Variants in ZNF563 observed in about 807,000 individuals in gnomAD.
The protein encoded by ZNF563 is zinc finger protein 563.
In ZNF563, 39 loss-of-function variants were observed where a neutral mutation model predicts 48.5. The observed-to-expected ratio is 0.80, with a 90% CI of 0.62 to 1.05. The LOEUF (loss-of-function observed/expected upper bound fraction) is 1.05. Ranked by LOEUF, ZNF563 falls within the 50% of genes least tolerant of loss-of-function variation. The probability of loss-of-function intolerance (pLI) is 0.00; values close to 1 mark genes in which losing one functional copy is unlikely to be tolerated. For missense variants in ZNF563, 538 were observed against 597.0 expected (o/e 0.90, Z 1.03); for synonymous variants, 168 against 187.9 (o/e 0.89, Z 0.87).
chr19:12,331,478 A>G (rs1014425175), intron 1 of ZNF563, among the ~76,000 whole-genome samples: 2 of 152,352 alleles, frequency 1.3e-5, no homozygotes, highest in African/African-American at 4.8e-5. Flanking sequence ...GTCTAACAGA[A>G]TTCAAAGGAT....
chr19:12,333,823 G>A (rs1436720768), upstream of ZNF563: 3 of 349,958 alleles, frequency 8.6e-6, no homozygotes, highest in Non-Finnish European at 1.6e-5. Context: ...TGAGTCGAGC[G>A]GGATGAACGA....
chr19:12,328,262 G>A lies in ZNF563; in HGVS notation c.3+5218C>T, dbSNP rs10401770. ...ACCACTTTGGGAGGCCAAAGTGGAA[G>A]GATTGCTTGAGGCCAGACTGAGCAA... is the stretch of plus-strand genomic sequence containing the variant. On this transcript the variant is annotated intron_variant, in intron 1 of 3. Coordinates refer to ENST00000293725, the MANE Select transcript of ZNF563 (RefSeq NM_145276.3). Among the ~76,000 whole-genome samples, 1,463 of 152,254 alleles carry A rather than the reference G, an allele frequency of 9.6e-3. 25 individuals are homozygous for A. The highest frequency in any genetic ancestry group is 0.034 in the African/African-American group (1,406 of 41,546).
intron 1 of ZNF563, among the ~76,000 whole-genome samples, chr19:12,332,040 G>T (rs1968930819): frequency 6.6e-6 from 1 of 152,020 alleles, no homozygotes; most frequent in Admixed American, 6.6e-5. Context: ...ATCATATATT[G>T]CTACCTGGGG....
chr19:12,318,841 C>A lies in ZNF563; in HGVS notation c.1184G>T (p.Cys395Phe). The part of the protein sequence containing the change: ...IMHTGGGPHK[C>F]KICGKAFVYP... ...AACAAAAGCTTTCCCACATATCTTG[C>A]ATTTATGAGGTCCACCTCCAGTGTG... Residue 395 changes from cysteine (C) to phenylalanine (F), a missense_variant, in exon 4 of 4, where the codon TGC (cysteine) becomes TTC (phenylalanine). Transcript: ENST00000293725. 6.2e-7 allele frequency: 1 copy of A among 1,614,150 alleles called. No individual in the cohort carries two copies. The highest frequency in any genetic ancestry group is 1.1e-5 in the South Asian group (1 of 91,068).
the ZNF563 span, among the ~76,000 whole-genome samples, chr19:12,343,970 C>T: frequency 1.3e-5 from 2 of 152,010 alleles, no homozygotes; most frequent in South Asian, 4.1e-4. Context: ...ACCTCGTGAT[C>T]CGCCCGCCTC....
At chr19:12,333,831 C>T (rs1968983002), upstream of ZNF563, 1 of 333,690 alleles carries the variant, frequency 3.0e-6, no homozygotes, top group Non-Finnish European at 5.5e-6. Flanking sequence ...GCGGGATGAA[C>T]GAGTTCCAGG....
At chr19:12,343,917 AG>A in the ZNF563 span, among the ~76,000 whole-genome samples, 1 of 151,748 alleles carries the variant, frequency 6.6e-6, no homozygotes, top group South Asian at 2.1e-4. Flanking sequence ...TTTTTAGTAG[AG>A]ATGGGTTTCA....
Position 12,318,967 on chromosome 19 carries a change from C to T in ZNF563, c.1058G>A (p.Arg353Gln), listed in dbSNP as rs764764104. The T allele has an allele frequency of 9.3e-6, 15 of 1,614,070 alleles. No homozygotes were observed. The highest frequency in any genetic ancestry group is 2.2e-5 in the South Asian group (2 of 91,074). Residue 353 changes from arginine (R) to glutamine (Q), a missense_variant, in exon 4 of 4, where the codon CGA (arginine) becomes CAA (glutamine). Arg to Gln is a conservative substitution (Grantham distance 43). Transcript: ENST00000293725. ...GKGFDRPSLV[R>Q]YHERIHTGEK... Reference sequence around the variant, plus strand: ...TCCAGTGTGAATTCGTTCATGATATCGAACTAAACTGGGACGATCAAAGCC... The same window carrying T: ...TCCAGTGTGAATTCGTTCATGATATTGAACTAAACTGGGACGATCAAAGCC...
chr19:12,335,501 T>C (rs977143133), upstream of ZNF563, among the ~76,000 whole-genome samples: 1 of 152,204 alleles, frequency 6.6e-6, no homozygotes, highest in Non-Finnish European at 1.5e-5. Context: ...GGGCCACATA[T>C]AAAATACACT....
chr19:12,318,179 T>C lies in ZNF563; in HGVS notation c.*415A>G. On this transcript the variant is annotated 3_prime_UTR_variant, in exon 4 of 4. Coordinates refer to ENST00000293725, the MANE Select transcript of ZNF563 (RefSeq NM_145276.3). Reference sequence around the variant, plus strand: ...CACCACACCTGCTACTTTTTCTATTTTTTGTAGAGACATGGTTTCACCATT... The same window carrying C: ...CACCACACCTGCTACTTTTTCTATTCTTTGTAGAGACATGGTTTCACCATT... 4.8e-6 allele frequency: 1 copy of C among 207,604 alleles called. No individual in the cohort carries two copies. Among genetic ancestry groups the C allele is most frequent in the Non-Finnish European group, 9.7e-6 (1 of 102,668 alleles). 12.9% of individuals were successfully genotyped at this position (207,604 alleles called of 1,614,324 possible). A position where few individuals can be genotyped will look rare whatever the true frequency, so the allele number is the denominator to read the frequency against.
chr19:12,330,277 TAGAC>T (rs1471758279), intron 1 of ZNF563, among the ~76,000 whole-genome samples: 2 of 152,072 alleles, frequency 1.3e-5, no homozygotes, highest in Non-Finnish European at 2.9e-5. Flanking sequence ...GTACCAAAAA[TAGAC>T]AGACATTACA....
chr19:12,317,700 T>C lies in ZNF563; in HGVS notation c.*894A>G, dbSNP rs1968471877. 6.6e-6 allele frequency: 1 copy of C among 152,194 alleles called. No homozygotes were observed. Among genetic ancestry groups the C allele is most frequent in the African/African-American group, 2.4e-5 (1 of 41,448 alleles). The allele number at this position is 152,194 out of a possible 1,614,324, so 9.4% of individuals were successfully genotyped here. ...TAAAAAAGGACTTGGCATGTGTCGA[T>C]TTATGTATGCCCAGGGGGTGGTAGA... On this transcript the variant is annotated 3_prime_UTR_variant, in exon 4 of 4. Coordinates refer to ENST00000293725, the MANE Select transcript of ZNF563 (RefSeq NM_145276.3).
intron 1 of ZNF563, among the ~76,000 whole-genome samples, chr19:12,326,559 G>A (rs567801309): frequency 2.0e-5 from 3 of 151,970 alleles, no homozygotes; most frequent in African/African-American, 4.8e-5. Context: ...CAGGAGAATC[G>A]CTTGAACCTG....
chr19:12,332,106 G>T (rs1968932975), intron 1 of ZNF563, among the ~76,000 whole-genome samples: 1 of 152,128 alleles, frequency 6.6e-6, no homozygotes, highest in Non-Finnish European at 1.5e-5. Context: ...GGGGGACAAA[G>T]AGTTCATTAT....
At chr19:12,333,786 G>C, upstream of ZNF563, 1 of 468,336 alleles carries the variant, frequency 2.1e-6, no homozygotes, top group Middle Eastern at 5.6e-4. Context: ...TGGGCACTGA[G>C]TGACAGAAGA....
chr19:12,322,719 A>C lies in ZNF563; in HGVS notation c.4-8T>G. On this transcript the variant is annotated splice_region_variant and splice_polypyrimidine_tract_variant and intron_variant, in intron 1 of 3. Transcript: ENST00000293725. ...CTCAAAGGCCACTGCGTCCTGAAAC[A>C]TCCCACATAGATAGAGGAGAAAGGT... 1 of 1,595,572 alleles carries C rather than the reference A, an allele frequency of 6.3e-7. No individual in the cohort carries two copies. The highest frequency in any genetic ancestry group is 8.5e-7 in the Non-Finnish European group (1 of 1,170,376).
At chr19:12,327,025 T>C (rs1309060512) in intron 1 of ZNF563, among the ~76,000 whole-genome samples, 1 of 152,298 alleles carries the variant, frequency 6.6e-6, no homozygotes, top group Admixed American at 6.5e-5. Flanking sequence ...GCCAGTATAG[T>C]GTTTTTTGAA....
At chr19:12,339,273 C>CTTTTTTTTTTTTTT in the ZNF563 span, among the ~76,000 whole-genome samples, 1 of 86,474 alleles carries the variant, frequency 1.2e-5, no homozygotes, top group Non-Finnish European at 2.3e-5. Flanking sequence ...CAGTTGATTT[C>CTTTTTTTTTTTTTT]TTTTTTTTTT....
intron 1 of ZNF563, among the ~76,000 whole-genome samples, chr19:12,327,846 C>G (rs1377610051): frequency 6.6e-6 from 1 of 152,044 alleles, no homozygotes; most frequent in Non-Finnish European, 1.5e-5. Flanking sequence ...GTCAATCCTA[C>G]AAGAAGACAT....
Sources: allele counts gnomAD v4.1 joint callset (sites outside exome capture counted in the v4.1 genomes callset), GRCh38; gene constraint gnomAD v4.1.1; transcripts MANE v1.5; gene names NCBI Gene and HGNC (gene_info 2026-07-23, HGNC 2026-07-21).